The following SDK1 variants were observed in gnomAD, a reference collection of about 807,000 sequenced individuals.
The protein encoded by SDK1 is sidekick cell adhesion molecule 1, also known as protein sidekick-1.
Under a neutral mutation model 245.5 loss-of-function variants are expected in SDK1, and 157 were observed. That is an observed-to-expected ratio of 0.64 (90% CI 0.56 to 0.73). The LOEUF is 0.73. SDK1 is among the 30% of genes least tolerant of loss of function. SDK1 has a pLI of 0.00. For synonymous variants in SDK1, 1,647 were observed against 1,278.5 expected, an observed-to-expected ratio of 1.29 and a Z score of -6.15; for missense variants, 3,583 against 3,002.3, an observed-to-expected ratio of 1.19 and a Z score of -4.52.
At chr7:3,622,068 C>T (rs1014634534) in intron 2 of SDK1, among the ~76,000 whole-genome samples, 3 of 152,144 alleles carry the variant, frequency 2.0e-5, no homozygotes, top group Admixed American at 1.3e-4. Context: ...TAGGCTAAAC[C>T]GTGGTGTCTA....
chr7:3,395,844 C>T (rs528878514), intron 1 of SDK1, among the ~76,000 whole-genome samples: 1 of 151,690 alleles, frequency 6.6e-6, no homozygotes, highest in Non-Finnish European at 1.5e-5. Flanking sequence ...TCTTTCATTC[C>T]TGATTTTTGT....
At chr7:3,362,980 C>T (rs1384157994) in intron 1 of SDK1, among the ~76,000 whole-genome samples, 2 of 152,204 alleles carry the variant, frequency 1.3e-5, no homozygotes, top group East Asian at 3.9e-4. Context: ...GAGAAATCCT[C>T]TGCCCCCTTC....
At chr7:3,820,397 C>G (rs568081867) in intron 4 of SDK1, among the ~76,000 whole-genome samples, 8 of 152,242 alleles carry the variant, frequency 5.3e-5, no homozygotes, top group Admixed American at 5.2e-4. Context: ...ATCTGTCCAC[C>G]TCGCCCTCCC....
At chr7:3,327,020 C>T (rs1162966207) in intron 1 of SDK1, among the ~76,000 whole-genome samples, 1 of 152,174 alleles carries the variant, frequency 6.6e-6, no homozygotes, top group African/African-American at 2.4e-5. Context: ...GTTGAATAAT[C>T]TTAAGCTGAT....
chr7:3,598,993 GGT>G (rs1477685550), intron 1 of SDK1, among the ~76,000 whole-genome samples: 437 of 151,716 alleles, frequency 2.9e-3, no homozygotes, highest in Middle Eastern at 6.9e-3. Context: ...TGGGTTGCAT[GGT>G]AGTTGCATGC....
At chr7:3,564,407 T>G (rs1194698164) in intron 1 of SDK1, among the ~76,000 whole-genome samples, 1 of 152,068 alleles carries the variant, frequency 6.6e-6, no homozygotes. Context: ...GATAATTGCT[T>G]GAACCCAGGA....
chr7:4,192,432 C>T (rs1486762625), intron 35 of SDK1, among the ~76,000 whole-genome samples: 5 of 152,116 alleles, frequency 3.3e-5, no homozygotes, highest in South Asian at 2.1e-4. Flanking sequence ...CCCGCCACCA[C>T]GCCCAGCTAA....
intron 4 of SDK1, among the ~76,000 whole-genome samples, chr7:3,774,733 G>A (rs73306130): frequency 6.6e-6 from 1 of 152,168 alleles, no homozygotes; most frequent in Non-Finnish European, 1.5e-5. Flanking sequence ...GAAAAAAATA[G>A]TTGTGGAATT....
chr7:4,162,391 TTATTA>T (rs1562372715), intron 32 of SDK1, among the ~76,000 whole-genome samples: 2 of 147,112 alleles, frequency 1.4e-5, no homozygotes, highest in African/African-American at 2.5e-5. Flanking sequence ...ATTATTATTA[TTATTA>T]TTATTATTAT....
At chr7:4,074,891 T>TCTCTCC (rs1386061939) in intron 20 of SDK1, among the ~76,000 whole-genome samples, 1 of 62,296 alleles carries the variant, frequency 1.6e-5, no homozygotes, top group Non-Finnish European at 2.9e-5. Flanking sequence ...TCTCTGTATA[T>TCTCTCC]ATATATATAT....
intron 1 of SDK1, among the ~76,000 whole-genome samples, chr7:3,360,490 T>G (rs1383818531): frequency 2.6e-5 from 4 of 152,216 alleles, no homozygotes; most frequent in South Asian, 2.1e-4. Context: ...TTGTGTGTGT[T>G]TGTGGGCGGA....
intron 38 of SDK1, among the ~76,000 whole-genome samples, chr7:4,214,015 C>G (rs1362045741): frequency 6.6e-6 from 1 of 152,176 alleles, no homozygotes; most frequent in African/African-American, 2.4e-5. Flanking sequence ...TCCGCTATCT[C>G]CAAATCCTCA....
chr7:3,551,076 C>T (rs890857278), intron 1 of SDK1, among the ~76,000 whole-genome samples: 1 of 152,142 alleles, frequency 6.6e-6, no homozygotes, highest in African/African-American at 2.4e-5. Flanking sequence ...ACTTTTACAT[C>T]CTGCAAACTA....
At chr7:3,905,115 A>C (rs1468007609) in intron 5 of SDK1, among the ~76,000 whole-genome samples, 1 of 151,698 alleles carries the variant, frequency 6.6e-6, no homozygotes, top group Admixed American at 6.6e-5. Context: ...TATAATCAGC[A>C]CCTTTTTTTT....
chr7:3,425,838 G>A (rs1369345599), intron 1 of SDK1, among the ~76,000 whole-genome samples: 2 of 152,100 alleles, frequency 1.3e-5, no homozygotes, highest in African/African-American at 2.4e-5. Context: ...CACTTCCTTA[G>A]GAGACTTTCC....
At chr7:3,511,962 A>C (rs750082517) in intron 1 of SDK1, among the ~76,000 whole-genome samples, 1 of 150,558 alleles carries the variant, frequency 6.6e-6, no homozygotes, top group Non-Finnish European at 1.5e-5. Context: ...GCCTGTATTG[A>C]CACCAGGATC....
intron 1 of SDK1, among the ~76,000 whole-genome samples, chr7:3,471,251 T>A (rs1781173065): frequency 6.6e-6 from 1 of 152,154 alleles, no homozygotes; most frequent in Non-Finnish European, 1.5e-5. Flanking sequence ...GTCTGAACAT[T>A]TTCTTATAAT....
chr7:3,808,197 G>A (rs1374255583), intron 4 of SDK1, among the ~76,000 whole-genome samples: 1 of 152,202 alleles, frequency 6.6e-6, no homozygotes, highest in African/African-American at 2.4e-5. Context: ...CCCGTGGAAC[G>A]TGCCCTCCTC....
intron 1 of SDK1, among the ~76,000 whole-genome samples, chr7:3,555,338 A>G (rs1779554388): frequency 6.6e-6 from 1 of 152,136 alleles, no homozygotes. Flanking sequence ...GGGAAAGGAC[A>G]CTCTTTTCAG....
Sources: allele counts gnomAD v4.1 joint callset (sites outside exome capture counted in the v4.1 genomes callset), GRCh38; gene constraint gnomAD v4.1.1; transcripts MANE v1.5; gene names NCBI Gene and HGNC (gene_info 2026-07-23, HGNC 2026-07-21).